The following IGDCC3 variants were observed in gnomAD, a reference collection of about 807,000 sequenced individuals.
IGDCC3 encodes the protein putative neuronal cell adhesion molecule.
Under a neutral mutation model 72.0 loss-of-function variants are expected in IGDCC3, and 47 were observed. The ratio of observed to expected loss-of-function variants is 0.65; its 90% CI spans 0.52 to 0.83. IGDCC3 has a LOEUF of 0.83. IGDCC3 is among the 40% of genes least tolerant of loss of function. IGDCC3 has a pLI of 0.00. For synonymous variants in IGDCC3, 477 were observed against 472.8 expected, an observed-to-expected ratio of 1.01 and a Z score of -0.11; for missense variants, 1,038 against 1,091.3, an observed-to-expected ratio of 0.95 and a Z score of 0.69.
rs1378254122 is a variant in IGDCC3 at position 65,328,099 on chromosome 15, G to A, written c.*810C>T. On this transcript the variant is annotated 3_prime_UTR_variant, in exon 14 of 14. Coordinates refer to ENST00000327987, the MANE Select transcript of IGDCC3 (RefSeq NM_004884.4). The stretch of plus-strand genomic sequence containing the variant: ...ATTTCTATTTCTGTAGGCCACAAGA[G>A]TTCCCCTTGGTGGCCCAACCTCTGG... The A allele has an allele frequency of 6.6e-6, 1 of 152,574 alleles. No individual in the cohort carries two copies. The highest frequency in any genetic ancestry group is 1.5e-5 in the Non-Finnish European group (1 of 68,046). 9.5% of individuals were successfully genotyped at this position (152,574 alleles called of 1,614,324 possible).
intron 9 of IGDCC3, 110 bp from the exon 10 acceptor site, chr15:65,330,851 G>A: frequency 9.0e-7 from 1 of 1,114,170 alleles, no homozygotes; most frequent in Non-Finnish European, 1.3e-6. Context: ...CTGGCCTCTG[G>A]CCAAGGGCAT....
At chr15:65,357,144 A>G (rs936895186) in intron 2 of IGDCC3, among the ~76,000 whole-genome samples, 3 of 150,710 alleles carry the variant, frequency 2.0e-5, no homozygotes, top group East Asian at 2.0e-4. Flanking sequence ...GAGCCACCAC[A>G]CCCGGCCTGG....
Position 65,339,406 on chromosome 15 carries a change from G to A in IGDCC3, c.410-3450C>T, listed in dbSNP as rs2091059570. ...ATTTTTGTATTTCTTATAGAGACAG[G>A]GTCTCCCTACGTTGCCCGGACTGGC... On this transcript the variant is annotated intron_variant, in intron 2 of 13. Transcript: ENST00000327987. The surrounding 1 kb of genome is among the most constrained non-coding windows in gnomAD (Gnocchi z 4.1). Among the ~76,000 whole-genome samples, 1 of 152,218 alleles carries A rather than the reference G, an allele frequency of 6.6e-6. No individual in the cohort carries two copies. The highest frequency in any genetic ancestry group is 2.1e-4 in the South Asian group (1 of 4,834).
At chr15:65,330,016 A>C in intron 11 of IGDCC3, 152 bp from the exon 12 acceptor site, 1 of 796,496 alleles carries the variant, frequency 1.3e-6, no homozygotes, top group Non-Finnish European at 2.0e-6. Context: ...CTCCAGACCA[A>C]TCTTTTTGGT....
intron 2 of IGDCC3, among the ~76,000 whole-genome samples, chr15:65,346,739 G>A (rs913196497): frequency 2.0e-4 from 31 of 152,204 alleles, no homozygotes; most frequent in East Asian, 1.4e-3. Flanking sequence ...GATTATAGGC[G>A]TGAGTCATCA....
At chr15:65,375,659 A>G (rs1481996102) in intron 1 of IGDCC3, among the ~76,000 whole-genome samples, 1 of 152,236 alleles carries the variant, frequency 6.6e-6, no homozygotes, top group African/African-American at 2.4e-5. Context: ...TTCACAGGTA[A>G]GAAAACTGAA....
intron 2 of IGDCC3, among the ~76,000 whole-genome samples, chr15:65,369,568 G>C (rs2091310527): frequency 6.6e-6 from 1 of 152,312 alleles, no homozygotes; most frequent in East Asian, 1.9e-4. Context: ...GCTGGGGACA[G>C]CAGCTTCCTG....
chr15:65,362,086 TAA>T (rs1304050630), intron 2 of IGDCC3, among the ~76,000 whole-genome samples: 6 of 141,528 alleles, frequency 4.2e-5, no homozygotes, highest in Admixed American at 7.1e-5. Context: ...ATCCTGACAT[TAA>T]AAAAAAAAAA....
At chr15:65,368,184 ACACACAC>A (rs2091300656) in intron 2 of IGDCC3, among the ~76,000 whole-genome samples, 1 of 151,250 alleles carries the variant, frequency 6.6e-6, no homozygotes, top group East Asian at 1.9e-4. Context: ...ACACACACAC[ACACACAC>A]ACACACACCA....
At chr15:65,351,553 T>C (rs2091174226) in intron 2 of IGDCC3, among the ~76,000 whole-genome samples, 1 of 148,206 alleles carries the variant, frequency 6.7e-6, no homozygotes, top group Non-Finnish European at 1.5e-5. Flanking sequence ...AAAAAAAGAA[T>C]CTTACCTTAC....
intron 2 of IGDCC3, among the ~76,000 whole-genome samples, chr15:65,365,131 G>A (rs568109575): frequency 3.3e-5 from 5 of 152,258 alleles, no homozygotes; most frequent in East Asian, 3.9e-4. Context: ...TGGGCTAGAT[G>A]AGCACCAAGG....
At chr15:65,347,577 C>G (rs1352379750) in intron 2 of IGDCC3, among the ~76,000 whole-genome samples, 3 of 152,274 alleles carry the variant, frequency 2.0e-5, no homozygotes, top group East Asian at 1.9e-4. Flanking sequence ...GTAAGGCATT[C>G]TAAGTCAAAG....
chr15:65,344,615 T>G (rs1225896245), intron 2 of IGDCC3, among the ~76,000 whole-genome samples: 1 of 152,066 alleles, frequency 6.6e-6, no homozygotes, highest in South Asian at 2.1e-4. Context: ...CTGGGTGAAA[T>G]GGACTGCAAG....
chr15:65,367,395 G>A lies in IGDCC3; in HGVS notation c.409+7702C>T, dbSNP rs551109483. ...AAGAAAAAGGAATGGGGAGAGGGGG[G>A]AGGGATAGCTTTAGGAGATATACCT... On this transcript the variant is annotated intron_variant, in intron 2 of 13. Coordinates refer to ENST00000327987, the MANE Select transcript of IGDCC3 (RefSeq NM_004884.4). 1.3e-4 allele frequency among the ~76,000 whole-genome samples: 20 copies of A among 151,234 alleles called. No individual in the cohort carries two copies. The South Asian group carries it at 4.2e-3, about 32-fold the overall frequency.
Position 65,332,086 on chromosome 15 carries a change from G to A in IGDCC3, c.1003C>T (p.His335Tyr), listed in dbSNP as rs754141260. ...VVQAPAEFVQ[H>Y]PQSISRPAGT... ...GCTGGCCTGGAGATGGACTGGGGAT[G>A]CTGCACAAACTCAGCTGGGGCTGCG... The change falls in exon 7 of 14, where the codon CAT becomes TAT. Residue 335 changes from histidine to tyrosine, a missense_variant. Physicochemically the swap from His to Tyr is moderately conservative, Grantham distance 83. Coordinates refer to ENST00000327987, the MANE Select transcript of IGDCC3 (RefSeq NM_004884.4). 1 of 1,613,846 alleles carries A rather than the reference G, an allele frequency of 6.2e-7. No homozygotes were observed. Among genetic ancestry groups the A allele is most frequent in the Non-Finnish European group, 8.5e-7 (1 of 1,179,908 alleles).
chr15:65,356,848 C>CTTTTGTTTTTTTTTTTTTTT (rs2091225128), intron 2 of IGDCC3, among the ~76,000 whole-genome samples: 2 of 70,898 alleles, frequency 2.8e-5, no homozygotes, highest in East Asian at 4.4e-4. Flanking sequence ...AATGGACCTG[C>CTTTTGTTTTTTTTTTTTTTT]TTTTTTTTTT....
intron 2 of IGDCC3, among the ~76,000 whole-genome samples, chr15:65,359,680 G>T (rs575749): frequency 0.1 from 15,174 of 152,220 alleles, 816 homozygotes; most frequent in African/African-American, 0.11. Flanking sequence ...ATAGGGATAT[G>T]CGGGTGCCCT....
chr15:65,363,402 C>T (rs1249134390), intron 2 of IGDCC3, among the ~76,000 whole-genome samples: 1 of 152,164 alleles, frequency 6.6e-6, no homozygotes, highest in East Asian at 1.9e-4. Flanking sequence ...CATCCAGGGC[C>T]GCCTGCTGGA....
intron 2 of IGDCC3, chr15:65,355,934 G>C: frequency 3.3e-6 from 1 of 304,296 alleles, no homozygotes; most frequent in Non-Finnish European, 7.0e-6. Context: ...AACTGAGGAA[G>C]CGGTGCCTGT....
Sources: gnomAD v4.1 joint callset for allele counts (sites outside exome capture counted in the v4.1 genomes callset) on GRCh38, gnomAD v4.1.1 for gene constraint, Gnocchi (gnomAD v3.1) non-coding constraint, MANE v1.5 for transcripts, NCBI Gene and HGNC (gene_info 2026-07-23, HGNC 2026-07-21) for gene names.